Variants in POTEI observed in about 807,000 individuals in gnomAD.
The protein encoded by POTEI is POTE ankyrin domain family member I, also known as POTE ankyrin domain family, member I.
POTEI carries 14 observed loss-of-function variants against 43.4 expected under a neutral mutation model. The observed-to-expected ratio is 0.32, with a 90% CI of 0.21 to 0.50. The LOEUF is 0.50. Ranked by LOEUF, POTEI falls within the 20% of genes least tolerant of loss-of-function variation. The probability of loss-of-function intolerance (pLI) is 0.98; values close to 1 mark genes in which losing one functional copy is unlikely to be tolerated. For missense variants in POTEI, 235 were observed against 795.4 expected (o/e 0.30, Z 8.47); for synonymous variants, 95 against 297.9 (o/e 0.32, Z 7.01).
intron 9 of POTEI, among the ~76,000 whole-genome samples, chr2:130,484,216 CA>C (rs1389733638): frequency 9.4e-5 from 14 of 149,344 alleles, no homozygotes; most frequent in African/African-American, 3.5e-4. Flanking sequence ...TTTTCTAATA[CA>C]AAAAACCTTT....
Position 130,509,272 on chromosome 2 carries a change from G to C in POTEI, c.-37C>G. 2.0e-6 allele frequency: 2 copies of C among 984,588 alleles called. No homozygotes were observed. Among genetic ancestry groups the C allele is most frequent in the African/African-American group, 4.3e-5 (2 of 46,804 alleles). 61.0% of individuals were successfully genotyped at this position (984,588 alleles called of 1,614,324 possible). A position where few individuals can be genotyped will look rare whatever the true frequency, so the allele number is the denominator to read the frequency against. The stretch of plus-strand genomic sequence containing the variant: ...AGCCTGGGGAGGCCGGTAGTAGCGA[G>C]CAGATCACGTCTACCAACCAGTTTC... On this transcript the variant is annotated 5_prime_UTR_variant, in exon 1 of 15. Coordinates refer to ENST00000451531, the MANE Select transcript of POTEI (RefSeq NM_001277406.2).
chr2:130,507,272 GGATATATA>G (rs1250824891), intron 1 of POTEI, among the ~76,000 whole-genome samples: 130 of 11,502 alleles, frequency 0.011, 10 homozygotes, highest in Non-Finnish European at 0.013. Flanking sequence ...AAAAAAAAAA[GGATATATA>G]TATATATATA....
At chr2:130,507,355 T>C (rs1437583262) in intron 1 of POTEI, among the ~76,000 whole-genome samples, 16 of 86,708 alleles carry the variant, frequency 1.8e-4, no homozygotes, top group African/African-American at 5.3e-4. Flanking sequence ...TGTATATATA[T>C]ACACACACAT....
chr2:130,509,220 C>T lies in POTEI; in HGVS notation c.16G>A (p.Asp6Asn). The change falls in exon 1 of 15, where the codon GAT (aspartate) becomes AAT (asparagine). Residue 6 changes from aspartate to asparagine, a missense_variant. Transcript: ENST00000451531. The part of the protein sequence containing the change: MVAEV[D>N]SMPAASSVKK... The stretch of plus-strand genomic sequence containing the variant: ...ACAGAAGAGGCAGCCGGCATTGAAT[C>T]AACCTCAGCTACCATCTGCTTTTAA... 7.0e-7 allele frequency: 1 copy of T among 1,419,416 alleles called. No homozygotes were observed. Among genetic ancestry groups the T allele is most frequent in the South Asian group, 1.2e-5 (1 of 81,100 alleles). The allele number at this position is 1,419,416 out of a possible 1,614,324, so 87.9% of individuals were successfully genotyped here.
In POTEI at chr2:130,460,952, G is replaced by C. The variant is rs1191189627; in HGVS notation, c.*1864C>G. 1 of 146,020 alleles carries C rather than the reference G, an allele frequency of 6.8e-6. No homozygotes were observed. Among genetic ancestry groups the C allele is most frequent in the Non-Finnish European group, 1.5e-5 (1 of 67,996 alleles). 9.0% of individuals were successfully genotyped at this position (146,020 alleles called of 1,614,324 possible). A position where few individuals can be genotyped will look rare whatever the true frequency, so the allele number is the denominator to read the frequency against. ...CAGGAGGATCTGCCCATCAAGTAGA[G>C]AGCCTGGCCACTTTTCTGTAGGGCT... is the stretch of plus-strand genomic sequence containing the variant. On this transcript the variant is annotated 3_prime_UTR_variant, in exon 15 of 15. Transcript: ENST00000451531.
upstream of POTEI, chr2:130,509,622 G>C (rs1258976735): frequency 3.8e-5 from 3 of 78,002 alleles, no homozygotes; most frequent in Admixed American, 2.3e-4. Context: ...GCCAAGCAAA[G>C]AACGCAAAGC....
At chr2:130,507,296 A>G (rs1684192878) in intron 1 of POTEI, among the ~76,000 whole-genome samples, 2 of 10,684 alleles carry the variant, frequency 1.9e-4, no homozygotes, top group Admixed American at 1.9e-3. Context: ...ATATATATAT[A>G]TATATATATA....
intron 13 of POTEI, among the ~76,000 whole-genome samples, chr2:130,468,920 T>C (rs939259157): frequency 6.6e-6 from 1 of 152,004 alleles, no homozygotes; most frequent in Non-Finnish European, 1.5e-5. Flanking sequence ...ACAATATCAC[T>C]AGTATTGTAC....
chr2:130,500,275 GA>G (rs1357509998), intron 4 of POTEI, among the ~76,000 whole-genome samples: 2 of 143,614 alleles, frequency 1.4e-5, no homozygotes, highest in Non-Finnish European at 3.1e-5. Flanking sequence ...AAATTAATAT[GA>G]AATGCCTTTA....
intron 10 of POTEI, among the ~76,000 whole-genome samples, chr2:130,480,478 CG>C (rs1404794509): frequency 1.3e-5 from 2 of 149,690 alleles, no homozygotes; most frequent in Non-Finnish European, 3.0e-5. Flanking sequence ...TCCTCCCAAA[CG>C]GGCAATCTCA....
In POTEI at chr2:130,504,755, T is replaced by G. The variant is rs1002229687; in HGVS notation, c.522-861A>C. Among the ~76,000 whole-genome samples, 3 of 140,872 alleles carry G rather than the reference T, an allele frequency of 2.1e-5. No individual in the cohort carries two copies. The Admixed American group carries it at 2.2e-4, about 10-fold the overall frequency. 92.4% of individuals were successfully genotyped at this position (140,872 alleles called of 152,430 possible). On this transcript the variant is annotated intron_variant, in intron 1 of 14. Transcript: ENST00000451531. ...CAATAAACTTTAAGTCAAAGAAAAC[T>G]TGGAATTCAAATGAATAGCATGGGC... is the stretch of plus-strand genomic sequence containing the variant.
At chr2:130,482,370 T>C (rs1363169607) in intron 9 of POTEI, among the ~76,000 whole-genome samples, 2 of 149,844 alleles carry the variant, frequency 1.3e-5, no homozygotes, top group Non-Finnish European at 2.9e-5. Flanking sequence ...AGCTCCATAA[T>C]GAACAGCTAT....
chr2:130,493,722 C>T lies in POTEI; in HGVS notation c.1126+2830G>A, dbSNP rs1429757255. ...CTCTCTTCTGCCTCTGCTTTATATT[C>T]CCACTGCCACTGGGAACACAAACAT... On this transcript the variant is annotated intron_variant, in intron 6 of 14. Transcript: ENST00000451531. Among the ~76,000 whole-genome samples the T allele has an allele frequency of 2.4e-4, 9 of 38,204 alleles. 2 individuals are homozygous for T. Among genetic ancestry groups the T allele is most frequent in the African/African-American group, 6.6e-4 (9 of 13,630 alleles). The allele number at this position is 38,204 out of a possible 152,430, so 25.1% of individuals were successfully genotyped here.
At chr2:130,468,314 C>A (rs1175764705) in intron 13 of POTEI, among the ~76,000 whole-genome samples, 2 of 150,210 alleles carry the variant, frequency 1.3e-5, no homozygotes, top group Non-Finnish European at 3.0e-5. Context: ...TGTGTATATA[C>A]ACTCACACAT....
At chr2:130,484,287 G>C (rs938710580) in intron 9 of POTEI, among the ~76,000 whole-genome samples, 1 of 148,392 alleles carries the variant, frequency 6.7e-6, no homozygotes, top group African/African-American at 2.5e-5. Context: ...CTGATGTCAA[G>C]ATACAAATAG....
In POTEI at chr2:130,508,975, G is replaced by C; in HGVS notation, c.261C>G (p.Asp87Glu). The C allele has an allele frequency of 6.3e-7, 1 of 1,596,316 alleles. No homozygotes were observed. Among genetic ancestry groups the C allele is most frequent in the Non-Finnish European group, 8.5e-7 (1 of 1,172,868 alleles). The change falls in exon 1 of 15, where the codon GAC (aspartate) becomes GAG (glutamate). Residue 87 changes from aspartate (D) to glutamate (E), a missense_variant. By Grantham distance (45) the Asp-to-Glu change is conservative (BLOSUM62 2). Coordinates refer to ENST00000451531, the MANE Select transcript of POTEI (RefSeq NM_001277406.2). Reference sequence around the variant, plus strand: ...TCCTGAGCGTCTTCATAGCGGAGTCGTCGTGGTCTCCAGAAGTGCCCACGT... The same window carrying C: ...TCCTGAGCGTCTTCATAGCGGAGTCCTCGTGGTCTCCAGAAGTGCCCACGT... ...KSNVGTSGDHDDSAMKTLRSK... is the reference protein window; with the variant it reads ...KSNVGTSGDHEDSAMKTLRSK...
At chr2:130,491,504 A>G (rs1224086706) in intron 6 of POTEI, among the ~76,000 whole-genome samples, 18 of 131,288 alleles carry the variant, frequency 1.4e-4, no homozygotes, top group African/African-American at 4.6e-4. Context: ...TGTTTCACCC[A>G]CTTGGTCTCT....
intron 10 of POTEI, among the ~76,000 whole-genome samples, chr2:130,477,690 G>A (rs1683252104): frequency 7.5e-6 from 1 of 133,604 alleles, no homozygotes; most frequent in Non-Finnish European, 1.5e-5. Flanking sequence ...ATTTTATTGA[G>A]TCCTGCTAAA....
rs1284932510 is a variant in POTEI at position 130,500,153 on chromosome 2, T to TACAGC, written c.917+382_917+383insGCTGT. Among the ~76,000 whole-genome samples the TACAGC allele has an allele frequency of 9.3e-4, 21 of 22,570 alleles. 2 individuals are homozygous for TACAGC. The highest frequency in any genetic ancestry group is 2.8e-3 in the African/African-American group (21 of 7,390). The allele number at this position is 22,570 out of a possible 152,430, so 14.8% of individuals were successfully genotyped here. On this transcript the variant is annotated intron_variant, in intron 4 of 14. Transcript: ENST00000451531. The stretch of plus-strand genomic sequence containing the variant: ...CAACCCCTATTTATGTTTAATACAG[T>TACAGC]ATATTTAGTGGAAAAGCATGTAAGA...
Sources: allele counts gnomAD v4.1 joint callset (sites outside exome capture counted in the v4.1 genomes callset), GRCh38; gene constraint gnomAD v4.1.1; transcripts MANE v1.5; gene names NCBI Gene and HGNC (gene_info 2026-07-23, HGNC 2026-07-21).